The following MANBA variants were observed in gnomAD, a reference collection of about 807,000 sequenced individuals.
MANBA encodes mannosidase beta.
MANBA carries 83 observed loss-of-function variants against 111.1 expected under a neutral mutation model. The observed-to-expected ratio is 0.75, with a 90% CI of 0.63 to 0.90. MANBA has a LOEUF of 0.90. Ranked by LOEUF, MANBA falls within the 40% of genes least tolerant of loss-of-function variation. The probability of loss-of-function intolerance (pLI) is 0.00; values close to 1 mark genes in which losing one functional copy is unlikely to be tolerated. For synonymous variants in MANBA, 370 were observed against 378.7 expected (o/e 0.98, Z 0.27); for missense variants, 1,036 against 1,069.0 (o/e 0.97, Z 0.43).
intron 1 of MANBA, among the ~76,000 whole-genome samples, chr4:102,747,273 G>T (rs1723624270): frequency 6.6e-6 from 1 of 152,108 alleles, no homozygotes; most frequent in South Asian, 2.1e-4. Flanking sequence ...GATTCCTAAA[G>T]GTGAAGAACT....
At chr4:102,741,241 A>T (rs776465209) in intron 1 of MANBA, among the ~76,000 whole-genome samples, 1 of 152,204 alleles carries the variant, frequency 6.6e-6, no homozygotes, top group African/African-American at 2.4e-5. Flanking sequence ...CCACAATGAG[A>T]TACTCCTTTA....
chr4:102,659,944 C>T (rs1009888321), intron 11 of MANBA, among the ~76,000 whole-genome samples: 11 of 151,906 alleles, frequency 7.2e-5, no homozygotes, highest in Non-Finnish European at 1.6e-4. Flanking sequence ...CACTCTACCT[C>T]TCTCTCAGGC....
intron 14 of MANBA, among the ~76,000 whole-genome samples, chr4:102,637,957 C>G (rs1463490305): frequency 6.6e-6 from 1 of 152,200 alleles, no homozygotes; most frequent in East Asian, 1.9e-4. Context: ...AGTTCTCAAC[C>G]TATGGAATCT....
rs777309946 is a variant in MANBA at position 102,690,598 on chromosome 4, T to G, written c.847A>C (p.Lys283Gln). 20 of 1,610,246 alleles carry G rather than the reference T, an allele frequency of 1.2e-5. No homozygotes were observed. The Admixed American group carries it at 3.0e-4, about 24-fold the overall frequency. ...TCTCAGGAAGTACCATCATTTACCTTGCTAATGTTCACAAATAGCTCAACA... is the reference window on the plus strand; with the variant it reads ...TCTCAGGAAGTACCATCATTTACCTGGCTAATGTTCACAAATAGCTCAACA... ...RIVELFVNIS[K>Q]NITVETWWPH... The change falls in exon 6 of 17, where the codon AAG (lysine) becomes CAG (glutamine). Residue 283 changes from lysine to glutamine, a missense_variant and splice_region_variant. Transcript: ENST00000647097.
intron 13 of MANBA, among the ~76,000 whole-genome samples, chr4:102,648,791 T>C (rs1038632992): frequency 4.6e-5 from 7 of 152,138 alleles, no homozygotes; most frequent in African/African-American, 1.4e-4. Context: ...CACAAATCTT[T>C]TGATACATGC....
intron 5 of MANBA, among the ~76,000 whole-genome samples, chr4:102,708,824 G>A (rs986330704): frequency 2.0e-5 from 3 of 151,374 alleles, no homozygotes; most frequent in Non-Finnish European, 2.9e-5. Flanking sequence ...CCTAATACAC[G>A]TTTACAAAAT....
intron 1 of MANBA, among the ~76,000 whole-genome samples, chr4:102,732,704 A>C (rs1304499060): frequency 6.6e-6 from 1 of 152,248 alleles, no homozygotes; most frequent in Non-Finnish European, 1.5e-5. Flanking sequence ...CCGTGTGCCA[A>C]GCCCAGCCAA....
chr4:102,690,483 T>C (rs1732422888), intron 6 of MANBA, 113 bp downstream of exon 6: 2 of 997,192 alleles, frequency 2.0e-6, no homozygotes, highest in Admixed American at 1.8e-5. Flanking sequence ...AAATGACAAA[T>C]ATAAGCAGAG....
rs564845721 is a variant in MANBA, at chr4:102,727,828, A to G, written c.178-1145T>C. 4.0e-4 allele frequency: 247 copies of G among 621,978 alleles called. No individual in the cohort carries two copies. The Middle Eastern group carries it at 6.6e-3, about 17-fold the overall frequency. The allele number at this position is 621,978 out of a possible 1,614,324, so 38.5% of individuals were successfully genotyped here. On this transcript the variant is annotated intron_variant, in intron 1 of 16. Coordinates refer to ENST00000647097, the MANE Select transcript of MANBA (RefSeq NM_005908.4). ...TCTGATGGAGAAATACTTCCGGAAA[A>G]GGATTTTCCTGAAGACTCAGGTCTC...
At chr4:102,647,540 C>A (rs1354325685) in intron 13 of MANBA, among the ~76,000 whole-genome samples, 1 of 151,686 alleles carries the variant, frequency 6.6e-6, no homozygotes, top group Non-Finnish European at 1.5e-5. Context: ...GCATAAAAAA[C>A]AATAGCAGAA....
intron 13 of MANBA, among the ~76,000 whole-genome samples, chr4:102,644,072 T>C (rs1258205068): frequency 2.0e-5 from 3 of 152,204 alleles, no homozygotes; most frequent in African/African-American, 4.8e-5. Flanking sequence ...TTAATTTTTG[T>C]ATATGGTATG....
Position 102,631,689 on chromosome 4 carries a change from A to T in MANBA, c.*368T>A. ...CCAAAGCTAGCTGTGAAAGACCTAC[A>T]TCACCTCAAAACCTTCCATTTGGTT... On this transcript the variant is annotated 3_prime_UTR_variant, in exon 17 of 17. Coordinates refer to ENST00000647097, the MANE Select transcript of MANBA (RefSeq NM_005908.4). The T allele has an allele frequency of 3.9e-6, 2 of 507,432 alleles. No homozygotes were observed. The highest frequency in any genetic ancestry group is 6.9e-6 in the Non-Finnish European group (2 of 290,108). The allele number at this position is 507,432 out of a possible 1,614,324, so 31.4% of individuals were successfully genotyped here. A position where few individuals can be genotyped will look rare whatever the true frequency, so the allele number is the denominator to read the frequency against.
chr4:102,676,121 A>T (rs1473878393), intron 7 of MANBA, among the ~76,000 whole-genome samples: 1 of 152,190 alleles, frequency 6.6e-6, no homozygotes, highest in East Asian at 1.9e-4. Context: ...TAAAATTATG[A>T]ATAAGAAGTG....
intron 5 of MANBA, among the ~76,000 whole-genome samples, chr4:102,707,942 T>A (rs1036062511): frequency 1.3e-5 from 2 of 152,116 alleles, no homozygotes; most frequent in East Asian, 3.8e-4. Context: ...GATAAAATGA[T>A]CAAATCCACA....
intron 1 of MANBA, among the ~76,000 whole-genome samples, chr4:102,736,916 T>C (rs1481848286): frequency 6.6e-6 from 1 of 152,192 alleles, no homozygotes; most frequent in Non-Finnish European, 1.5e-5. Flanking sequence ...GGGAAAAATG[T>C]CTGCCTCCAA....
chr4:102,644,051 T>C (rs1729995316), intron 13 of MANBA, among the ~76,000 whole-genome samples: 1 of 152,202 alleles, frequency 6.6e-6, no homozygotes, highest in Admixed American at 6.5e-5. Flanking sequence ...AGATCTTTGA[T>C]CCATTTTGAG....
intron 5 of MANBA, 130 bp downstream of exon 5, chr4:102,714,308 A>C (rs1436557903): frequency 3.2e-6 from 3 of 926,574 alleles, no homozygotes; most frequent in East Asian, 4.9e-5. Context: ...TACTTTTATA[A>C]ATTGATTGTA....
Position 102,639,849 on chromosome 4 carries a change from C to T in MANBA, c.1878G>A (p.Gln626=). ...KDTIYLTQVM[Q]AQCVKTETEF... Reference sequence around the variant, plus strand: ...CAGTTTCTGTTTTGACACACTGGGCCTGCATCACCTGATTCAGGAAAACAT... The same window carrying T: ...CAGTTTCTGTTTTGACACACTGGGCTTGCATCACCTGATTCAGGAAAACAT... Residue 626 remains glutamine (Q), a synonymous_variant, in exon 14 of 17, where the codon CAG becomes CAA. Transcript: ENST00000647097. 1 of 1,614,036 alleles carries T rather than the reference C, an allele frequency of 6.2e-7. No individual in the cohort carries two copies. The highest frequency in any genetic ancestry group is 8.5e-7 in the Non-Finnish European group (1 of 1,179,970).
chr4:102,663,835 C>T (rs968155667), intron 11 of MANBA, among the ~76,000 whole-genome samples: 2 of 152,054 alleles, frequency 1.3e-5, no homozygotes, highest in East Asian at 3.8e-4. Context: ...AAAAATGCTG[C>T]TTTTTCTCAC....
Sources: allele counts gnomAD v4.1 joint callset (sites outside exome capture counted in the v4.1 genomes callset), GRCh38; gene constraint gnomAD v4.1.1; transcripts MANE v1.5; gene names NCBI Gene and HGNC (gene_info 2026-07-23, HGNC 2026-07-21).